EXOSC5: variants seen among roughly 807,000 people sequenced by gnomAD.
EXOSC5 encodes the protein exosome complex component RRP46.
Under a neutral mutation model 23.7 loss-of-function variants are expected in EXOSC5, and 15 were observed. The observed-to-expected ratio is 0.63, with a 90% CI of 0.42 to 0.97. EXOSC5 has a LOEUF of 0.97. Among genes scored for constraint, EXOSC5 ranks in the 50% least tolerant of loss-of-function variants. The probability of loss-of-function intolerance (pLI) is 0.00; values close to 1 mark genes in which losing one functional copy is unlikely to be tolerated. For synonymous variants in EXOSC5, 143 were observed against 140.9 expected (o/e 1.02, Z -0.11); for missense variants, 305 against 316.3 (o/e 0.96, Z 0.27).
rs1383315274 is a variant in EXOSC5, at chr19:41,391,162, C to T, written c.384+679G>A. ...GACTGATCACTCGAGGTCAGGAGTTCGAGACCAGCCTGGCCAACACAGCAA... is the reference window on the plus strand; with the variant it reads ...GACTGATCACTCGAGGTCAGGAGTTTGAGACCAGCCTGGCCAACACAGCAA... On this transcript the variant is annotated intron_variant, in intron 3 of 5. Coordinates refer to ENST00000221233, the MANE Select transcript of EXOSC5 (RefSeq NM_020158.4). Among the ~76,000 whole-genome samples the T allele has an allele frequency of 9.9e-5, 15 of 152,126 alleles. 1 individual carries two copies. The highest frequency in any genetic ancestry group is 6.5e-4 in the Admixed American group (10 of 15,270).
intron 4 of EXOSC5, among the ~76,000 whole-genome samples, chr19:41,388,967 T>A (rs926205464): frequency 6.6e-6 from 1 of 152,216 alleles, no homozygotes; most frequent in Admixed American, 6.5e-5. Flanking sequence ...ATTTTATTTT[T>A]GAGAGTTTCA....
At chr19:41,392,105 G>T (rs765417325) in intron 2 of EXOSC5, 143 bp from the exon 3 acceptor site, 1 of 1,267,638 alleles carries the variant, frequency 7.9e-7, no homozygotes, top group Non-Finnish European at 1.1e-6. Context: ...GAAGATTCCA[G>T]TGGGAAGAAG....
rs747178979 is a variant in EXOSC5, at chr19:41,397,296, G to C, written c.33C>G (p.Ile11Met). 1 of 1,613,996 alleles carries C rather than the reference G, an allele frequency of 6.2e-7. No homozygotes were observed. Among genetic ancestry groups the C allele is most frequent in the East Asian group, 2.2e-5 (1 of 44,882 alleles). MEEETHTDAK[I>M]RAENGTGSSP... The stretch of plus-strand genomic sequence containing the variant: ...TGGACCCTGTTCCATTTTCAGCACG[G>C]ATTTTGGCGTCAGTATGCGTCTCCT... Residue 11 changes from isoleucine to methionine, a missense_variant, in exon 1 of 6, where the codon ATC (isoleucine) becomes ATG (methionine). By Grantham distance (10) the Ile-to-Met change is conservative. Transcript: ENST00000221233.
intron 1 of EXOSC5, among the ~76,000 whole-genome samples, chr19:41,393,440 T>C (rs1034808374): frequency 1.1e-4 from 17 of 152,080 alleles, no homozygotes; most frequent in African/African-American, 3.9e-4. Flanking sequence ...AATTTTTATA[T>C]TTTTAGTAGA....
rs747858805 is a variant in EXOSC5, at chr19:41,391,859, A to C, written c.366T>G (p.Val122=). 1.3e-6 allele frequency: 2 copies of C among 1,528,128 alleles called. No homozygotes were observed. Among genetic ancestry groups the C allele is most frequent in the Admixed American group, 4.9e-5 (2 of 40,482 alleles). The allele number at this position is 1,528,128 out of a possible 1,614,324, so 94.7% of individuals were successfully genotyped here. Residue 122 remains valine (V), a synonymous_variant, in exon 3 of 6, where the codon GTT becomes GTG. Transcript: ENST00000221233. Reference sequence around the variant, plus strand: ...AGGATACAGAGCCGGCATCGCTGACAACCTGCAGCACCACGGTGATGGAGG... The same window carrying C: ...AGGATACAGAGCCGGCATCGCTGACCACCTGCAGCACCACGGTGATGGAGG... The part of the protein sequence containing the change: ...PRTSITVVLQ[V]VSDAGSLLAC...
chr19:41,393,409 C>T (rs1599941846), intron 1 of EXOSC5, among the ~76,000 whole-genome samples: 1 of 152,078 alleles, frequency 6.6e-6, no homozygotes. Context: ...GAACTACAGG[C>T]ATGTGCCACC....
At chr19:41,395,847 A>C (rs1221455844) in intron 1 of EXOSC5, among the ~76,000 whole-genome samples, 1 of 152,200 alleles carries the variant, frequency 6.6e-6, no homozygotes, top group Non-Finnish European at 1.5e-5. Flanking sequence ...AGAGAGTTCC[A>C]AATTGCCTAT....
At chr19:41,392,105 G>C (rs765417325) in intron 2 of EXOSC5, 143 bp from the exon 3 acceptor site, 2 of 1,267,644 alleles carry the variant, frequency 1.6e-6, no homozygotes, top group South Asian at 3.1e-5. Flanking sequence ...GAAGATTCCA[G>C]TGGGAAGAAG....
chr19:41,396,410 A>G (rs552542480), intron 1 of EXOSC5, among the ~76,000 whole-genome samples: 15 of 152,042 alleles, frequency 9.9e-5, no homozygotes, highest in Non-Finnish European at 2.1e-4. Context: ...GGGTTTCGCC[A>G]TGTTGGCCAG....
intron 1 of EXOSC5, among the ~76,000 whole-genome samples, chr19:41,396,076 A>G (rs369171602): frequency 6.6e-6 from 1 of 151,988 alleles, no homozygotes; most frequent in East Asian, 1.9e-4. Flanking sequence ...CCCACAATCA[A>G]CACAGCAGCC....
chr19:41,391,873 C>G lies in EXOSC5; in HGVS notation c.352G>C (p.Val118Leu). 6.5e-7 allele frequency: 1 copy of G among 1,548,220 alleles called. No homozygotes were observed. Among genetic ancestry groups the G allele is most frequent in the South Asian group, 1.2e-5 (1 of 81,450 alleles). Residue 118 changes from valine (V) to leucine (L), a missense_variant, in exon 3 of 6, where the codon GTG (valine) becomes CTG (leucine). Val to Leu is a conservative substitution (Grantham distance 32). Coordinates refer to ENST00000221233, the MANE Select transcript of EXOSC5 (RefSeq NM_020158.4). Reference protein sequence around the residue: ...GTLHPRTSITVVLQVVSDAGS... With the variant: ...GTLHPRTSITLVLQVVSDAGS... ...GCATCGCTGACAACCTGCAGCACCACGGTGATGGAGGTGCGGGGGTGCAAC... is the reference window on the plus strand; with the variant it reads ...GCATCGCTGACAACCTGCAGCACCAGGGTGATGGAGGTGCGGGGGTGCAAC...
At chr19:41,393,815 A>G (rs1465423942) in intron 1 of EXOSC5, among the ~76,000 whole-genome samples, 1 of 150,334 alleles carries the variant, frequency 6.7e-6, no homozygotes, top group Non-Finnish European at 1.5e-5. Flanking sequence ...CGCCTCCCAA[A>G]GCGCTGGGAT....
chr19:41,390,538 G>A (rs2039016306), intron 3 of EXOSC5, among the ~76,000 whole-genome samples: 1 of 152,184 alleles, frequency 6.6e-6, no homozygotes, highest in Admixed American at 6.5e-5. Flanking sequence ...GGGTCAGAGA[G>A]GGGAAGAAAC....
intron 2 of EXOSC5, 114 bp downstream of exon 2, chr19:41,392,753 G>T: frequency 1.3e-6 from 1 of 771,642 alleles, no homozygotes; most frequent in Non-Finnish European, 2.2e-6. Context: ...GACAGAAACA[G>T]CTGAGTGGAG....
intron 3 of EXOSC5, 126 bp downstream of exon 3, chr19:41,391,712 CCTT>C (rs767770235): frequency 7.0e-6 from 9 of 1,294,114 alleles, no homozygotes; most frequent in Admixed American, 3.0e-5. Context: ...TGTTTGCTCT[CCTT>C]CTTCAGTGAG....
Position 41,389,917 on chromosome 19 carries a change from A to G in EXOSC5, c.385-12T>C. ...CAACAGGCCAGGAGCTGAGCACCAC[A>G]GGAAATGGTTAAGTTTCTTTTTTTT... is the stretch of plus-strand genomic sequence containing the variant. On this transcript the variant is annotated splice_polypyrimidine_tract_variant and intron_variant, in intron 3 of 5. Transcript: ENST00000221233. 1 of 1,574,568 alleles carries G rather than the reference A, an allele frequency of 6.4e-7. No individual in the cohort carries two copies. Among genetic ancestry groups the G allele is most frequent in the Non-Finnish European group, 8.6e-7 (1 of 1,167,334 alleles).
chr19:41,392,544 ACT>A (rs1220367993), intron 2 of EXOSC5, among the ~76,000 whole-genome samples: 2 of 152,096 alleles, frequency 1.3e-5, no homozygotes, highest in African/African-American at 2.4e-5. Flanking sequence ...AGATCGTGCC[ACT>A]GCACTCCAGC....
At chr19:41,395,773 T>C (rs1430848305) in intron 1 of EXOSC5, among the ~76,000 whole-genome samples, 1 of 151,618 alleles carries the variant, frequency 6.6e-6, no homozygotes, top group Non-Finnish European at 1.5e-5. Context: ...TCCTGGGACC[T>C]CTTCTCTTTT....
At chr19:41,394,534 G>A (rs751119254) in intron 1 of EXOSC5, among the ~76,000 whole-genome samples, 1 of 151,702 alleles carries the variant, frequency 6.6e-6, no homozygotes, top group African/African-American at 2.4e-5. Context: ...TTCTTTTTTG[G>A]GACAGAGTTT....
Sources: gnomAD v4.1 joint callset for allele counts (sites outside exome capture counted in the v4.1 genomes callset) on GRCh38, gnomAD v4.1.1 for gene constraint, MANE v1.5 for transcripts, NCBI Gene and HGNC (gene_info 2026-07-23, HGNC 2026-07-21) for gene names.